The following CFAP95 variants were observed in gnomAD, a reference collection of about 807,000 sequenced individuals.
CFAP95 encodes cilia and flagella associated protein 95, also known as cilia- and flagella-associated protein 95.
the CFAP95 span, among the ~76,000 whole-genome samples, chr9:69,846,389 CT>C: frequency 6.6e-6 from 1 of 152,096 alleles, no homozygotes; most frequent in Non-Finnish European, 1.5e-5. Context: ...CATTGAAACC[CT>C]GTCCTCCACC....
chr9:69,825,061 C>G, the CFAP95 span, among the ~76,000 whole-genome samples: 1 of 152,026 alleles, frequency 6.6e-6, no homozygotes, highest in Non-Finnish European at 1.5e-5. Flanking sequence ...ATGTCATTGA[C>G]TTATTTTTAT....
chr9:69,870,379 T>A, the CFAP95 span, among the ~76,000 whole-genome samples: 1 of 152,226 alleles, frequency 6.6e-6, no homozygotes, highest in Non-Finnish European at 1.5e-5. Context: ...GCAGCTTGAA[T>A]AACTAAGACA....
At chr9:69,822,324 C>T in the CFAP95 span, among the ~76,000 whole-genome samples, 1 of 152,248 alleles carries the variant, frequency 6.6e-6, no homozygotes, top group African/African-American at 2.4e-5. Flanking sequence ...GCGACCCCTG[C>T]AGTTTCTGTC....
chr9:69,902,473 T>C, the CFAP95 span: 1 of 321,662 alleles, frequency 3.1e-6, no homozygotes, highest in African/African-American at 2.2e-5. Context: ...CTTTGGTTGG[T>C]GTTTTTCTGA....
At chr9:69,883,207 C>A in the CFAP95 span, among the ~76,000 whole-genome samples, 3 of 152,120 alleles carry the variant, frequency 2.0e-5, no homozygotes, top group Non-Finnish European at 4.4e-5. Flanking sequence ...GAGAATAAAC[C>A]TGAGAGGGGC....
the CFAP95 span, among the ~76,000 whole-genome samples, chr9:69,880,338 T>C: frequency 1.1e-4 from 17 of 152,154 alleles, no homozygotes; most frequent in African/African-American, 2.9e-4. Flanking sequence ...TAACCATCCT[T>C]CTACTCCCTA....
At chr9:69,897,638 C>CTA in the CFAP95 span, among the ~76,000 whole-genome samples, 2 of 152,004 alleles carry the variant, frequency 1.3e-5, no homozygotes, top group African/African-American at 4.8e-5. Context: ...TAAGGACTGG[C>CTA]TATACAGTTG....
chr9:69,904,173 C>T, the CFAP95 span, among the ~76,000 whole-genome samples: 3 of 152,238 alleles, frequency 2.0e-5, no homozygotes, highest in African/African-American at 7.2e-5. Flanking sequence ...TTTTGTCACC[C>T]CAGGAAACTC....
the CFAP95 span, among the ~76,000 whole-genome samples, chr9:69,874,834 G>A: frequency 6.6e-6 from 1 of 152,216 alleles, no homozygotes; most frequent in Admixed American, 6.5e-5. Context: ...ACCTGGCACA[G>A]GCTTGTTCCT....
chr9:69,838,385 G>C, the CFAP95 span, among the ~76,000 whole-genome samples: 3 of 151,106 alleles, frequency 2.0e-5, no homozygotes, highest in South Asian at 6.3e-4. Flanking sequence ...TCTTCCATTT[G>C]TTTGTATCCT....
At chr9:69,879,726 C>G in the CFAP95 span, among the ~76,000 whole-genome samples, 1 of 152,150 alleles carries the variant, frequency 6.6e-6, no homozygotes, top group Admixed American at 6.6e-5. Context: ...AAGGCCAGTC[C>G]TTTATCCAAT....
chr9:69,898,609 A>G, the CFAP95 span, among the ~76,000 whole-genome samples: 16 of 152,300 alleles, frequency 1.1e-4, no homozygotes, highest in African/African-American at 3.6e-4. Context: ...AAAAATAAGG[A>G]TGAGTGTCTG....
the CFAP95 span, among the ~76,000 whole-genome samples, chr9:69,829,788 A>G: frequency 6.6e-6 from 1 of 152,206 alleles, no homozygotes; most frequent in African/African-American, 2.4e-5. Context: ...CACACTGAGA[A>G]GCCCAGACTT....
At chr9:69,825,520 G>T in the CFAP95 span, among the ~76,000 whole-genome samples, 1 of 152,132 alleles carries the variant, frequency 6.6e-6, no homozygotes, top group Admixed American at 6.5e-5. Context: ...TGAAGTGGTC[G>T]ATAGAGCCAT....
At chr9:69,876,943 A>G in the CFAP95 span, among the ~76,000 whole-genome samples, 1 of 152,178 alleles carries the variant, frequency 6.6e-6, no homozygotes, top group Admixed American at 6.5e-5. Flanking sequence ...CCTTTTGGTT[A>G]GATTTATAAT....
the CFAP95 span, among the ~76,000 whole-genome samples, chr9:69,896,197 A>G: frequency 6.6e-6 from 1 of 152,218 alleles, no homozygotes; most frequent in African/African-American, 2.4e-5. Flanking sequence ...ATGTCCTCAC[A>G]TAATATAGAC....
chr9:69,848,774 T>G, the CFAP95 span, among the ~76,000 whole-genome samples: 1 of 152,104 alleles, frequency 6.6e-6, no homozygotes, highest in Admixed American at 6.6e-5. Flanking sequence ...AATCTTCCCA[T>G]GAAGTTTGAA....
At chr9:69,866,418 A>G in the CFAP95 span, among the ~76,000 whole-genome samples, 2 of 152,204 alleles carry the variant, frequency 1.3e-5, no homozygotes, top group Non-Finnish European at 2.9e-5. Flanking sequence ...AAGCCTGAGA[A>G]CTAGTGGGCC....
the CFAP95 span, among the ~76,000 whole-genome samples, chr9:69,879,267 A>G: frequency 6.6e-6 from 1 of 152,178 alleles, no homozygotes; most frequent in African/African-American, 2.4e-5. Flanking sequence ...AGTCTCTTAC[A>G]TAGGATGTTA....
Sources: allele counts gnomAD v4.1 joint callset (sites outside exome capture counted in the v4.1 genomes callset), GRCh38; gene constraint gnomAD v4.1.1; transcripts MANE v1.5; gene names NCBI Gene and HGNC (gene_info 2026-07-23, HGNC 2026-07-21).